The following MMRN1 variants were observed in gnomAD, a reference collection of about 807,000 sequenced individuals.
MMRN1 encodes the protein multimerin 1.
A neutral mutation model predicts 100.7 loss-of-function variants in MMRN1; 94 were observed. That is an observed-to-expected ratio of 0.93 (90% confidence interval 0.79 to 1.11). MMRN1 has a LOEUF of 1.11. Among genes scored for constraint, MMRN1 ranks in the 50% least tolerant of loss-of-function variants. The pLI is 0.00. For synonymous variants in MMRN1, 575 were observed against 505.0 expected (o/e 1.14, Z -1.86); for missense variants, 1,606 against 1,439.1 (o/e 1.12, Z -1.88).
rs1256191870 is a variant in MMRN1, at chr4:89,936,532, A to C, written c.2852A>C (p.His951Pro). ...GCTACCATCCCTAAGTGGATAAAACATTCCCTGCCAGATATTCAACTTCTT... is the reference window on the plus strand; with the variant it reads ...GCTACCATCCCTAAGTGGATAAAACCTTCCCTGCCAGATATTCAACTTCTT... ...LNATIPKWIK[H>P]SLPDIQLLQK... is the part of the protein sequence containing the mutation. The change falls in exon 6 of 8, where the codon CAT becomes CCT. Residue 951 changes from histidine (H) to proline (P), a missense_variant. Transcript: ENST00000264790. The C allele has an allele frequency of 1.2e-5, 20 of 1,613,020 alleles. No individual in the cohort carries two copies. The highest frequency in any genetic ancestry group is 1.6e-5 in the Non-Finnish European group (19 of 1,179,636).
intron 3 of MMRN1, among the ~76,000 whole-genome samples, chr4:89,916,376 AC>A (rs748836011): frequency 0.095 from 13,231 of 139,430 alleles, 1,168 homozygotes; most frequent in East Asian, 0.27. Flanking sequence ...AAAAAAAAAA[AC>A]AAACAAACAA....
At chr4:89,921,795 C>T (rs1560588846) in intron 3 of MMRN1, among the ~76,000 whole-genome samples, 1 of 152,128 alleles carries the variant, frequency 6.6e-6, no homozygotes, top group Non-Finnish European at 1.5e-5. Context: ...ATGCAAAATT[C>T]AATCTAACAA....
chr4:89,950,269 T>C (rs1466629126), intron 6 of MMRN1, among the ~76,000 whole-genome samples: 1 of 152,190 alleles, frequency 6.6e-6, no homozygotes, highest in Non-Finnish European at 1.5e-5. Flanking sequence ...AGTCTTTAAA[T>C]TTTTCAAGAA....
chr4:89,939,654 G>A (rs1209021965), intron 6 of MMRN1, among the ~76,000 whole-genome samples: 2 of 152,126 alleles, frequency 1.3e-5, no homozygotes, highest in Admixed American at 1.3e-4. Flanking sequence ...TAGACTCAGG[G>A]CTCAGTCCTC....
chr4:89,909,005 T>C (rs567658192), intron 1 of MMRN1, among the ~76,000 whole-genome samples: 2 of 151,636 alleles, frequency 1.3e-5, no homozygotes, highest in South Asian at 2.1e-4. Flanking sequence ...ATTTATCTTA[T>C]AGCTAAACTC....
At chr4:89,885,747 A>G (rs2110570214) in intron 1 of MMRN1, among the ~76,000 whole-genome samples, 1 of 152,074 alleles carries the variant, frequency 6.6e-6, no homozygotes, top group Middle Eastern at 3.4e-3. Context: ...CTCTACTTTT[A>G]TTTTCTAACA....
intron 3 of MMRN1, among the ~76,000 whole-genome samples, chr4:89,921,591 C>T (rs953117960): frequency 2.6e-5 from 4 of 152,124 alleles, no homozygotes; most frequent in African/African-American, 9.7e-5. Flanking sequence ...TTTCCCCACG[C>T]AATCCATCCC....
intron 6 of MMRN1, among the ~76,000 whole-genome samples, chr4:89,944,372 G>A (rs1722923476): frequency 6.6e-6 from 1 of 152,122 alleles, no homozygotes; most frequent in African/African-American, 2.4e-5. Flanking sequence ...ACGCTCCCTT[G>A]AGCAACTTAT....
chr4:89,888,113 C>A (rs1720977104), intron 1 of MMRN1, among the ~76,000 whole-genome samples: 1 of 151,758 alleles, frequency 6.6e-6, no homozygotes, highest in African/African-American at 2.4e-5. Context: ...AATTTGTTTA[C>A]ATATATATTT....
intron 5 of MMRN1, among the ~76,000 whole-genome samples, chr4:89,933,355 A>G (rs116389290): frequency 0.028 from 4,216 of 151,990 alleles, 131 homozygotes; most frequent in African/African-American, 0.073. Context: ...AGCCCTCCAA[A>G]CTGTTCCCAC....
At chr4:89,917,795 A>T (rs1394874203) in intron 3 of MMRN1, among the ~76,000 whole-genome samples, 1 of 151,892 alleles carries the variant, frequency 6.6e-6, no homozygotes, top group Non-Finnish European at 1.5e-5. Context: ...AATTTTATTA[A>T]CATCAGTTAA....
Position 89,948,460 on chromosome 4 carries a change from A to C in MMRN1, c.3119-3145A>C, listed in dbSNP as rs537433056. 2.6e-5 allele frequency among the ~76,000 whole-genome samples: 4 copies of C among 152,314 alleles called. No individual in the cohort carries two copies. In the South Asian group the frequency reaches 8.3e-4, roughly 32 times the overall value. On this transcript the variant is annotated intron_variant, in intron 6 of 7. Coordinates refer to ENST00000264790, the MANE Select transcript of MMRN1 (RefSeq NM_007351.3). The stretch of plus-strand genomic sequence containing the variant: ...ATTTTATTATCAATAATAATTGTAA[A>C]TTCATGTTTAAATGAATTAAATAGA...
intron 1 of MMRN1, among the ~76,000 whole-genome samples, chr4:89,899,291 G>C (rs1400836626): frequency 6.6e-6 from 1 of 151,816 alleles, no homozygotes; most frequent in Non-Finnish European, 1.5e-5. Flanking sequence ...GTTAGTCAAT[G>C]ACCAAGCACT....
intron 1 of MMRN1, 44 bp downstream of exon 1, chr4:89,895,638 G>T (rs533716397): frequency 1.3e-4 from 196 of 1,530,262 alleles, no homozygotes; most frequent in African/African-American, 6.3e-4. Context: ...TGTCTATCAG[G>T]TCTAGAAGAT....
intron 5 of MMRN1, among the ~76,000 whole-genome samples, chr4:89,931,023 A>G (rs1722416725): frequency 2.0e-5 from 3 of 152,198 alleles, no homozygotes; most frequent in South Asian, 4.1e-4. Flanking sequence ...GCTGTGTGTC[A>G]TATTGATTAC....
chr4:89,890,510 CTATTT>C (rs1053709665), upstream of MMRN1, among the ~76,000 whole-genome samples: 2 of 151,936 alleles, frequency 1.3e-5, no homozygotes, highest in Non-Finnish European at 2.9e-5. Flanking sequence ...GAGTCTTATT[CTATTT>C]TTTCTATATA....
intron 4 of MMRN1, among the ~76,000 whole-genome samples, chr4:89,926,559 T>G (rs2110620268): frequency 6.6e-6 from 1 of 152,256 alleles, no homozygotes; most frequent in Admixed American, 6.5e-5. Flanking sequence ...TTGCAAAGAT[T>G]TTTCTCTCAT....
chr4:89,915,700 T>C (rs1191418968), intron 3 of MMRN1, among the ~76,000 whole-genome samples: 1 of 151,454 alleles, frequency 6.6e-6, no homozygotes, highest in Non-Finnish European at 1.5e-5. Context: ...GGGCTTCCAT[T>C]GCAAGGGGAA....
upstream of MMRN1, among the ~76,000 whole-genome samples, chr4:89,891,610 C>A (rs1048600042): frequency 2.0e-5 from 3 of 152,048 alleles, no homozygotes; most frequent in African/African-American, 7.2e-5. Flanking sequence ...AAATCAGTTT[C>A]TCTTCTTCTC....
Sources: gnomAD v4.1 joint callset for allele counts (sites outside exome capture counted in the v4.1 genomes callset) on GRCh38, gnomAD v4.1.1 for gene constraint, MANE v1.5 for transcripts, NCBI Gene and HGNC (gene_info 2026-07-23, HGNC 2026-07-21) for gene names.